The following NTNG1 variants were observed in gnomAD, a reference collection of about 807,000 sequenced individuals.
NTNG1 encodes netrin-G1.
A neutral mutation model predicts 54.0 loss-of-function variants in NTNG1; 16 were observed. That is an observed-to-expected ratio of 0.30 (90% CI 0.20 to 0.45). The LOEUF is 0.45. NTNG1 is among the 20% of genes least tolerant of loss of function. The pLI is 1.00. For missense variants in NTNG1, 530 were observed against 678.7 expected (o/e 0.78, Z 2.43); for synonymous variants, 255 against 263.1 (o/e 0.97, Z 0.30).
chr1:107,400,363 A>G (rs778005642), intron 4 of NTNG1, among the ~76,000 whole-genome samples: 3 of 152,180 alleles, frequency 2.0e-5, no homozygotes, highest in Non-Finnish European at 2.9e-5. Context: ...AATGATAGCT[A>G]CCATTTATTA....
chr1:107,206,701 C>G (rs1659222318), intron 2 of NTNG1, among the ~76,000 whole-genome samples: 1 of 152,114 alleles, frequency 6.6e-6, no homozygotes, highest in Non-Finnish European at 1.5e-5. Flanking sequence ...TTAGATTTTA[C>G]AAATTTAAAA....
intron 3 of NTNG1, among the ~76,000 whole-genome samples, chr1:107,345,457 G>A (rs79864973): frequency 6.6e-6 from 1 of 152,124 alleles, no homozygotes; most frequent in East Asian, 1.9e-4. Context: ...GGTGTGAGCC[G>A]CTGTGGCACA....
intron 3 of NTNG1, among the ~76,000 whole-genome samples, chr1:107,366,230 A>G (rs1670584860): frequency 6.6e-6 from 1 of 152,204 alleles, no homozygotes; most frequent in Non-Finnish European, 1.5e-5. Context: ...GTTCCCTTTC[A>G]GTGTGGCACA....
chr1:107,438,067 T>G (rs370383546), intron 7 of NTNG1, among the ~76,000 whole-genome samples: 2 of 152,312 alleles, frequency 1.3e-5, no homozygotes, highest in African/African-American at 4.8e-5. Flanking sequence ...AATTCTATAA[T>G]AATAACTGTG....
At chr1:107,220,207 C>T (rs1043393221) in intron 2 of NTNG1, among the ~76,000 whole-genome samples, 1 of 152,190 alleles carries the variant, frequency 6.6e-6, no homozygotes, top group African/African-American at 2.4e-5. Context: ...CCTCCTCACC[C>T]TCCGCCAACA....
chr1:107,219,541 T>C (rs1022034563), intron 2 of NTNG1, among the ~76,000 whole-genome samples: 11 of 152,300 alleles, frequency 7.2e-5, no homozygotes, highest in African/African-American at 2.6e-4. Flanking sequence ...CTTGGGTAGA[T>C]GTCAAAGGGA....
intron 5 of NTNG1, among the ~76,000 whole-genome samples, chr1:107,427,690 T>C (rs1389522354): frequency 1.3e-5 from 2 of 152,070 alleles, no homozygotes; most frequent in African/African-American, 4.8e-5. Context: ...CTTAAAAGAA[T>C]CAAGTTATTA....
At chr1:107,169,512 G>C (rs1256224212) in intron 2 of NTNG1, among the ~76,000 whole-genome samples, 1 of 152,004 alleles carries the variant, frequency 6.6e-6, no homozygotes, top group South Asian at 2.1e-4. Flanking sequence ...GTGCCAAGAA[G>C]CACCTCAAGC....
chr1:107,412,230 T>G (rs963972088), intron 5 of NTNG1, among the ~76,000 whole-genome samples: 1 of 152,162 alleles, frequency 6.6e-6, no homozygotes, highest in African/African-American at 2.4e-5. Context: ...ACTTTAGACA[T>G]GTTAACTATG....
intron 2 of NTNG1, among the ~76,000 whole-genome samples, chr1:107,182,520 T>C (rs1657147911): frequency 6.6e-6 from 1 of 152,106 alleles, no homozygotes; most frequent in African/African-American, 2.4e-5. Context: ...AGAGTTCCTG[T>C]GTTAGATAGA....
At chr1:107,283,970 A>C (rs1464430386) in intron 2 of NTNG1, among the ~76,000 whole-genome samples, 1 of 152,142 alleles carries the variant, frequency 6.6e-6, no homozygotes. Flanking sequence ...AGCTCAGTTC[A>C]AATGCTGTCT....
At chr1:107,188,046 G>A (rs1419959143) in intron 2 of NTNG1, among the ~76,000 whole-genome samples, 1 of 97,692 alleles carries the variant, frequency 1.0e-5, no homozygotes, top group African/African-American at 3.1e-5. Flanking sequence ...GTGTGTAATC[G>A]GGAATGGCAT....
intron 1 of NTNG1, among the ~76,000 whole-genome samples, chr1:107,142,417 G>A (rs998379015): frequency 3.3e-5 from 5 of 151,726 alleles, no homozygotes; most frequent in Admixed American, 2.0e-4. Context: ...TGGAAAAGTC[G>A]CAGGTTGAGC....
chr1:107,215,205 G>T (rs938432953), intron 2 of NTNG1, among the ~76,000 whole-genome samples: 2 of 152,082 alleles, frequency 1.3e-5, no homozygotes, highest in African/African-American at 4.8e-5. Flanking sequence ...GTCATTGCCT[G>T]AGCCAATGTC....
chr1:107,383,132 G>C (rs1274125165), intron 3 of NTNG1, among the ~76,000 whole-genome samples: 2 of 152,166 alleles, frequency 1.3e-5, no homozygotes, highest in South Asian at 2.1e-4. Flanking sequence ...TCTAATCAGA[G>C]TGTAATATAA....
intron 2 of NTNG1, among the ~76,000 whole-genome samples, chr1:107,164,678 TGAG>T (rs1211157227): frequency 6.6e-6 from 1 of 152,218 alleles, no homozygotes; most frequent in Non-Finnish European, 1.5e-5. Context: ...CCATTGTTCT[TGAG>T]GAAAATATGA....
intron 7 of NTNG1, among the ~76,000 whole-genome samples, chr1:107,451,233 C>A (rs1676607904): frequency 6.6e-6 from 1 of 151,430 alleles, no homozygotes; most frequent in Admixed American, 6.6e-5. Flanking sequence ...GCTAGAAAGA[C>A]TAACATTGAG....
At chr1:107,328,582 G>A (rs1668095110) in intron 3 of NTNG1, among the ~76,000 whole-genome samples, 1 of 152,028 alleles carries the variant, frequency 6.6e-6, no homozygotes, top group African/African-American at 2.4e-5. Flanking sequence ...CTCAAAAGCT[G>A]TTAAATATAG....
intron 2 of NTNG1, among the ~76,000 whole-genome samples, chr1:107,161,997 C>T (rs999985512): frequency 1.9e-4 from 29 of 150,684 alleles, no homozygotes; most frequent in Admixed American, 5.9e-4. Flanking sequence ...TGTAAATTAT[C>T]CATTTGATCT....
Sources: allele counts gnomAD v4.1 joint callset (sites outside exome capture counted in the v4.1 genomes callset), GRCh38; gene constraint gnomAD v4.1.1; transcripts MANE v1.5; gene names NCBI Gene and HGNC (gene_info 2026-07-23, HGNC 2026-07-21).